Variants in TARP observed in about 807,000 individuals in gnomAD.
the TARP span, chr7:38,262,321 T>G: frequency 1.2e-6 from 1 of 840,538 alleles, no homozygotes; most frequent in Non-Finnish European, 2.0e-6. Flanking sequence ...GGACAGTTAT[T>G]AAAAATATGA....
chr7:38,269,608 T>C, the TARP span: 1 of 612,034 alleles, frequency 1.6e-6, no homozygotes. Flanking sequence ...TCTGGTGGTC[T>C]GGGATTCTCA....
chr7:38,272,149 T>C, the TARP span, among the ~76,000 whole-genome samples: 1 of 151,152 alleles, frequency 6.6e-6, no homozygotes, highest in Non-Finnish European at 1.5e-5. Context: ...TTACAAATAG[T>C]GATATTTGTT....
the TARP span, among the ~76,000 whole-genome samples, chr7:38,264,639 A>G: frequency 6.6e-6 from 1 of 151,572 alleles, no homozygotes; most frequent in South Asian, 2.1e-4. Context: ...AAAGGAAAAC[A>G]CATTATAAAA....
the TARP span, among the ~76,000 whole-genome samples, chr7:38,263,253 G>T: frequency 1.3e-5 from 2 of 151,904 alleles, no homozygotes; most frequent in East Asian, 1.9e-4. Flanking sequence ...GAAGTGAGTT[G>T]TATTATGTAT....
chr7:38,268,411 TTTC>T, the TARP span, among the ~76,000 whole-genome samples: 1 of 151,660 alleles, frequency 6.6e-6, no homozygotes, highest in African/African-American at 2.4e-5. Flanking sequence ...GTGTTCTCTA[TTTC>T]TTATTTTTTC....
At chr7:38,259,807 C>T in the TARP span, 1 of 386,284 alleles carries the variant, frequency 2.6e-6, no homozygotes, top group East Asian at 5.2e-5. Flanking sequence ...CGCAGGATGT[C>T]TACACTATAG....
chr7:38,270,755 G>T, the TARP span, among the ~76,000 whole-genome samples: 1 of 150,574 alleles, frequency 6.6e-6, no homozygotes, highest in African/African-American at 2.5e-5. Flanking sequence ...CACCATCTGC[G>T]CATTTCATTA....
the TARP span, among the ~76,000 whole-genome samples, chr7:38,271,758 G>T: frequency 2.0e-5 from 3 of 151,352 alleles, no homozygotes; most frequent in Admixed American, 2.0e-4. Flanking sequence ...TTTGACCTGA[G>T]ATGCCTTAGA....
chr7:38,265,570 A>C, the TARP span: 60 of 1,611,936 alleles, frequency 3.7e-5, 1 homozygote, highest in South Asian at 4.4e-4. Context: ...ATCAGGGAAA[A>C]ATTTCTCAAG....
At chr7:38,271,499 CATGAA>C in the TARP span, among the ~76,000 whole-genome samples, 1 of 150,514 alleles carries the variant, frequency 6.6e-6, no homozygotes, top group Middle Eastern at 3.4e-3. Context: ...GAGATATCGA[CATGAA>C]ATGAACTCAA....
At chr7:38,268,154 G>T in the TARP span, among the ~76,000 whole-genome samples, 14 of 150,342 alleles carry the variant, frequency 9.3e-5, no homozygotes, top group African/African-American at 3.4e-4. Flanking sequence ...GGCCAAGTAT[G>T]GTACATTTTT....
the TARP span, among the ~76,000 whole-genome samples, chr7:38,263,778 G>T: frequency 1.3e-5 from 2 of 151,802 alleles, no homozygotes; most frequent in East Asian, 1.9e-4. Flanking sequence ...TATGATTCTG[G>T]TGCGCAATTT....
the TARP span, among the ~76,000 whole-genome samples, chr7:38,262,896 C>T: frequency 3.3e-5 from 5 of 151,468 alleles, no homozygotes; most frequent in African/African-American, 1.2e-4. Context: ...TGGACTCAAG[C>T]AATCTTCCTG....
chr7:38,268,835 A>G, the TARP span, among the ~76,000 whole-genome samples: 2 of 151,378 alleles, frequency 1.3e-5, no homozygotes, highest in African/African-American at 4.9e-5. Flanking sequence ...TGCTCTGTAA[A>G]TTAGATGGAC....
the TARP span, among the ~76,000 whole-genome samples, chr7:38,270,983 A>G: frequency 1.9e-4 from 28 of 151,000 alleles, no homozygotes; most frequent in South Asian, 4.6e-3. Context: ...AGTAAGATGT[A>G]TGTATTCCCC....
the TARP span, chr7:38,265,788 G>C: frequency 1.2e-6 from 1 of 826,234 alleles, no homozygotes; most frequent in Non-Finnish European, 1.9e-6. Context: ...ATGCCATTGA[G>C]CTGGTGTCCA....
At chr7:38,270,013 G>A in the TARP span, among the ~76,000 whole-genome samples, 1 of 151,804 alleles carries the variant, frequency 6.6e-6, no homozygotes, top group African/African-American at 2.4e-5. Flanking sequence ...GAGGCAGGAG[G>A]GTCACTTGAG....
At chr7:38,269,357 G>A in the TARP span, 1 of 596,982 alleles carries the variant, frequency 1.7e-6, no homozygotes, top group African/African-American at 1.9e-5. Flanking sequence ...TTGTTTTAAA[G>A]TCTCTCCTAA....
chr7:38,270,621 C>A, the TARP span, among the ~76,000 whole-genome samples: 1 of 151,630 alleles, frequency 6.6e-6, no homozygotes, highest in Non-Finnish European at 1.5e-5. Flanking sequence ...GCTTGAAACA[C>A]CTGGCTTTAC....
Sources: allele counts gnomAD v4.1 joint callset (sites outside exome capture counted in the v4.1 genomes callset), GRCh38; gene constraint gnomAD v4.1.1; transcripts MANE v1.5.